The following AGBL4 variants were observed in gnomAD, a reference collection of about 807,000 sequenced individuals.
AGBL4 encodes the protein cytosolic carboxypeptidase 6.
Under a neutral mutation model 66.4 loss-of-function variants are expected in AGBL4, and 58 were observed. That is an observed-to-expected ratio of 0.87 (90% CI 0.71 to 1.09). The LOEUF is 1.09. Among genes scored for constraint, AGBL4 ranks in the 50% least tolerant of loss-of-function variants. AGBL4 has a pLI of 0.00. For missense variants in AGBL4, 579 were observed against 631.0 expected, an observed-to-expected ratio of 0.92 and a Z score of 0.88; for synonymous variants, 234 against 222.9, an observed-to-expected ratio of 1.05 and a Z score of -0.44.
intron 3 of AGBL4, among the ~76,000 whole-genome samples, chr1:49,548,375 T>G (rs184016874): frequency 6.6e-6 from 1 of 152,252 alleles, no homozygotes; most frequent in African/African-American, 2.4e-5. Context: ...ATCCTTGTCT[T>G]GTTCCAGAGG....
chr1:49,408,382 C>T (rs1234808970), intron 3 of AGBL4, among the ~76,000 whole-genome samples: 5 of 152,208 alleles, frequency 3.3e-5, no homozygotes, highest in Non-Finnish European at 7.3e-5. Flanking sequence ...CATGTCTTCA[C>T]TGATCTCACA....
rs1011216652 is a variant in AGBL4 at position 49,449,995 on chromosome 1, A to G, written c.283-204131T>C. Among the ~76,000 whole-genome samples the G allele has an allele frequency of 1.3e-5, 2 of 152,132 alleles. 1 individual carries two copies. Among genetic ancestry groups the G allele is most frequent in the Non-Finnish European group, 2.9e-5 (2 of 68,022 alleles). On this transcript the variant is annotated intron_variant, in intron 3 of 13. Transcript: ENST00000371839. Reference sequence around the variant, plus strand: ...AGGCAATGCCACAGAATCTACTCCCAGCAAACGGGCCACCTTACCTGGCTG... The same window carrying G: ...AGGCAATGCCACAGAATCTACTCCCGGCAAACGGGCCACCTTACCTGGCTG...
intron 2 of AGBL4, among the ~76,000 whole-genome samples, chr1:49,816,964 CA>C (rs1162871732): frequency 6.6e-6 from 1 of 152,126 alleles, no homozygotes; most frequent in Admixed American, 6.5e-5. Flanking sequence ...GGAAACTTTG[CA>C]AACCTGAAAC....
intron 3 of AGBL4, among the ~76,000 whole-genome samples, chr1:49,593,403 T>C (rs1317199634): frequency 6.6e-6 from 1 of 151,994 alleles, no homozygotes; most frequent in African/African-American, 2.4e-5. Flanking sequence ...CAAGACTCTG[T>C]CTCAAAAAAA....
At chr1:49,744,308 CTT>C (rs1239217298) in intron 2 of AGBL4, among the ~76,000 whole-genome samples, 4 of 152,068 alleles carry the variant, frequency 2.6e-5, no homozygotes, top group Non-Finnish European at 2.9e-5. Flanking sequence ...CTCTCTCTCT[CTT>C]GCTCCTGCTC....
At chr1:49,469,154 T>A (rs576445775) in intron 3 of AGBL4, among the ~76,000 whole-genome samples, 1 of 151,918 alleles carries the variant, frequency 6.6e-6, no homozygotes. Context: ...CTGTTGTTAG[T>A]ATACTTAAGT....
At chr1:49,948,927 C>T (rs1239012053) in intron 1 of AGBL4, among the ~76,000 whole-genome samples, 1 of 151,076 alleles carries the variant, frequency 6.6e-6, no homozygotes, top group Non-Finnish European at 1.5e-5. Flanking sequence ...TCACATTACA[C>T]ATTAGAATAA....
At chr1:49,680,953 T>G (rs1404698670) in intron 3 of AGBL4, among the ~76,000 whole-genome samples, 1 of 152,078 alleles carries the variant, frequency 6.6e-6, no homozygotes, top group African/African-American at 2.4e-5. Context: ...AATTGTTACA[T>G]TCTACATTAA....
At chr1:49,617,872 C>T (rs918108913) in intron 3 of AGBL4, among the ~76,000 whole-genome samples, 1 of 152,166 alleles carries the variant, frequency 6.6e-6, no homozygotes, top group Non-Finnish European at 1.5e-5. Flanking sequence ...TTTCATATTA[C>T]ACTTTAAGCT....
intron 5 of AGBL4, among the ~76,000 whole-genome samples, chr1:49,025,364 T>G (rs1411408267): frequency 6.6e-6 from 1 of 152,130 alleles, no homozygotes; most frequent in African/African-American, 2.4e-5. Context: ...AGAGAGGCCT[T>G]TAAACAGTAG....
At position 48,748,917 on chromosome 1, in the gene AGBL4, G is replaced by C. The variant is rs1379869638; in HGVS notation, c.635-85676C>G. Among the ~76,000 whole-genome samples the C allele has an allele frequency of 2.0e-5, 3 of 152,098 alleles. No homozygotes were observed. In the East Asian group the frequency reaches 5.8e-4, roughly 29 times the overall value. ...GCAGAGGCAGGAGAAAAAAATTCTA[G>C]CATGAATCCTGGATTAGGTGAGATC... is the stretch of plus-strand genomic sequence containing the variant. On this transcript the variant is annotated intron_variant, in intron 6 of 13. Transcript: ENST00000371839.
At chr1:48,624,449 T>C (rs1213441865) in intron 9 of AGBL4, among the ~76,000 whole-genome samples, 2 of 152,226 alleles carry the variant, frequency 1.3e-5, no homozygotes, top group Admixed American at 1.3e-4. Flanking sequence ...ATTTTTGTAT[T>C]TGAGAAGCTC....
rs377578506 is a variant in AGBL4 at position 49,719,923 on chromosome 1, T to C, written c.158-22486A>G. 1.9e-4 allele frequency among the ~76,000 whole-genome samples: 29 copies of C among 152,222 alleles called. No individual in the cohort carries two copies. The East Asian group carries it at 2.1e-3, about 11-fold the overall frequency. On this transcript the variant is annotated intron_variant, in intron 2 of 13. Coordinates refer to ENST00000371839, the MANE Select transcript of AGBL4 (RefSeq NM_032785.4). ...GATGTGTTTGCTTCCCCTTCCACCATGACTGTAAGTTTCTCGAGGCCTCTC... is the reference window on the plus strand; with the variant it reads ...GATGTGTTTGCTTCCCCTTCCACCACGACTGTAAGTTTCTCGAGGCCTCTC...
intron 1 of AGBL4, among the ~76,000 whole-genome samples, chr1:49,909,440 T>C (rs1244961660): frequency 2.6e-5 from 4 of 152,120 alleles, no homozygotes; most frequent in Non-Finnish European, 5.9e-5. Flanking sequence ...ACGTAAGCCA[T>C]GTGGATAACT....
intron 5 of AGBL4, among the ~76,000 whole-genome samples, chr1:48,968,049 A>C (rs1189482317): frequency 1.3e-5 from 2 of 152,002 alleles, no homozygotes; most frequent in Non-Finnish European, 2.9e-5. Flanking sequence ...GAGGGACCTA[A>C]ATGAAGAGAG....
rs1645378135 is a variant in AGBL4 at position 49,110,165 on chromosome 1, C to T, written c.378-64365G>A. Among the ~76,000 whole-genome samples the T allele has an allele frequency of 3.3e-5, 5 of 152,258 alleles. No homozygotes were observed. The South Asian group carries it at 1.0e-3, about 32-fold the overall frequency. On this transcript the variant is annotated intron_variant, in intron 4 of 13. Transcript: ENST00000371839. ...CCTGTTTTCTCCTCCCTTCAATGTC[C>T]ACATTTATAATTATTTCCTCACAAA...
At chr1:49,111,301 A>T (rs1235732413) in intron 4 of AGBL4, among the ~76,000 whole-genome samples, 1 of 152,088 alleles carries the variant, frequency 6.6e-6, no homozygotes, top group Non-Finnish European at 1.5e-5. Flanking sequence ...TTTAGTAGAG[A>T]CGAGGTTTCA....
At chr1:49,234,168 A>G (rs1650536475) in intron 4 of AGBL4, among the ~76,000 whole-genome samples, 2 of 152,222 alleles carry the variant, frequency 1.3e-5, no homozygotes, top group Admixed American at 1.3e-4. Flanking sequence ...TCTTATGGTC[A>G]ATCCAATATT....
rs774502535 is a variant in AGBL4, at chr1:48,534,246, G to C, written c.1439C>G (p.Ala480Gly). ...CCCTTTGCTGTTGGGGTAGTTGCTG[G>C]CTGGGCCCCGCAGGAGTGGGTGCTT... ...PYKHPLLRGP[A>G]SNYPNSKGDK... Residue 480 changes from alanine to glycine, a missense_variant, in exon 14 of 14, where the codon GCC becomes GGC. By Grantham distance (60) the Ala-to-Gly change is moderately conservative (BLOSUM62 0). Coordinates refer to ENST00000371839, the MANE Select transcript of AGBL4 (RefSeq NM_032785.4). 3.0e-5 allele frequency: 47 copies of C among 1,551,638 alleles called. No individual in the cohort carries two copies. Among genetic ancestry groups the C allele is most frequent in the Non-Finnish European group, 3.8e-5 (44 of 1,146,938 alleles).
Sources: gnomAD v4.1 joint callset for allele counts (sites outside exome capture counted in the v4.1 genomes callset) on GRCh38, gnomAD v4.1.1 for gene constraint, MANE v1.5 for transcripts, NCBI Gene and HGNC (gene_info 2026-07-23, HGNC 2026-07-21) for gene names.